Variants in FMNL2 observed in about 807,000 individuals in gnomAD.
FMNL2 encodes formin-like protein 2.
Under a neutral mutation model 130.2 loss-of-function variants are expected in FMNL2, and 51 were observed. That is an observed-to-expected ratio of 0.39 (90% CI 0.31 to 0.49). FMNL2 has a LOEUF of 0.49. FMNL2 is among the 20% of genes least tolerant of loss of function. FMNL2 has a pLI of 0.85. For missense variants in FMNL2, 977 were observed against 1,316.2 expected, an observed-to-expected ratio of 0.74 and a Z score of 3.99; for synonymous variants, 465 against 467.1, an observed-to-expected ratio of 1.00 and a Z score of 0.06.
At chr2:152,479,395 T>C (rs1486783407) in intron 1 of FMNL2, among the ~76,000 whole-genome samples, 3 of 152,244 alleles carry the variant, frequency 2.0e-5, no homozygotes, top group Non-Finnish European at 2.9e-5. Flanking sequence ...TCCTCCTGCG[T>C]TGGCCTCCTA....
At chr2:152,647,696 TAC>T in intron 25 of FMNL2, 98 bp from the exon 26 acceptor site, 2 of 1,118,936 alleles carry the variant, frequency 1.8e-6, no homozygotes, top group Non-Finnish European at 2.7e-6. Flanking sequence ...CTGACTTTTC[TAC>T]ACAAGCTGCT....
At chr2:152,597,459 T>G (rs1261227138) in intron 9 of FMNL2, among the ~76,000 whole-genome samples, 1 of 152,220 alleles carries the variant, frequency 6.6e-6, no homozygotes, top group East Asian at 1.9e-4. Flanking sequence ...TAAAGATGTG[T>G]ATCTAGGGGT....
chr2:152,426,507 C>A (rs1687211146), intron 1 of FMNL2, among the ~76,000 whole-genome samples: 1 of 152,176 alleles, frequency 6.6e-6, no homozygotes, highest in South Asian at 2.1e-4. Flanking sequence ...CTTGAAAATT[C>A]ATCTCACTTT....
chr2:152,431,192 A>G (rs1451426379), intron 1 of FMNL2, among the ~76,000 whole-genome samples: 1 of 152,192 alleles, frequency 6.6e-6, no homozygotes, highest in African/African-American at 2.4e-5. Flanking sequence ...ACTGCTTTAA[A>G]TCATCTTCCT....
intron 1 of FMNL2, among the ~76,000 whole-genome samples, chr2:152,341,998 A>G (rs1301089378): frequency 1.3e-5 from 2 of 152,230 alleles, no homozygotes; most frequent in African/African-American, 4.8e-5. Context: ...TGAGTCTGCA[A>G]CTTGCAGGTT....
At chr2:152,602,911 A>G (rs1157284352) in intron 9 of FMNL2, among the ~76,000 whole-genome samples, 1 of 152,184 alleles carries the variant, frequency 6.6e-6, no homozygotes, top group South Asian at 2.1e-4. Context: ...TTCCACCATG[A>G]TGGTCCTGTT....
chr2:152,569,937 C>T (rs1166184646), intron 6 of FMNL2, among the ~76,000 whole-genome samples: 5 of 150,758 alleles, frequency 3.3e-5, no homozygotes, highest in South Asian at 2.1e-4. Flanking sequence ...CTTGAACCCA[C>T]GAGACAGAGG....
At chr2:152,582,430 A>C (rs1378217801) in intron 9 of FMNL2, among the ~76,000 whole-genome samples, 5 of 152,148 alleles carry the variant, frequency 3.3e-5, no homozygotes, top group Admixed American at 3.3e-4. Flanking sequence ...CTGCTAGTCC[A>C]TTCTTTAAGA....
At chr2:152,452,134 A>C (rs1688679513) in intron 1 of FMNL2, among the ~76,000 whole-genome samples, 1 of 151,960 alleles carries the variant, frequency 6.6e-6, no homozygotes, top group African/African-American at 2.4e-5. Context: ...TGCTTTGGCA[A>C]CTCGAGGTGT....
chr2:152,429,734 A>G (rs1687398056), intron 1 of FMNL2, among the ~76,000 whole-genome samples: 1 of 151,862 alleles, frequency 6.6e-6, no homozygotes, highest in Non-Finnish European at 1.5e-5. Flanking sequence ...GCTCTCAGAT[A>G]TGTCTGAATT....
intron 1 of FMNL2, among the ~76,000 whole-genome samples, chr2:152,463,124 T>C (rs1191449080): frequency 6.6e-6 from 1 of 152,220 alleles, no homozygotes; most frequent in African/African-American, 2.4e-5. Context: ...AGAGGAGTTA[T>C]CAAACCTGTT....
intron 25 of FMNL2, among the ~76,000 whole-genome samples, chr2:152,646,793 A>T (rs1683624150): frequency 6.6e-6 from 1 of 152,234 alleles, no homozygotes; most frequent in Non-Finnish European, 1.5e-5. Flanking sequence ...AATACTAATT[A>T]AACAGGAAAA....
intron 3 of FMNL2, among the ~76,000 whole-genome samples, chr2:152,543,715 G>A (rs1481378333): frequency 3.1e-4 from 22 of 72,068 alleles, no homozygotes; most frequent in African/African-American, 8.7e-4. Context: ...TCCCCTCACC[G>A]CCCACCCCCC....
intron 3 of FMNL2, 36 bp downstream of exon 3, chr2:152,542,855 T>A (rs748520800): frequency 5.2e-5 from 84 of 1,601,918 alleles, no homozygotes; most frequent in Non-Finnish European, 2.8e-5. Flanking sequence ...TGTTATTGCT[T>A]CCTTATTAGC....
At chr2:152,578,004 G>C (rs948340661) in intron 7 of FMNL2, among the ~76,000 whole-genome samples, 1 of 151,856 alleles carries the variant, frequency 6.6e-6, no homozygotes, top group African/African-American at 2.4e-5. Context: ...GGAAAAATAA[G>C]GGGGAAGGGA....
chr2:152,646,065 A>C (rs116752577), intron 25 of FMNL2, among the ~76,000 whole-genome samples: 2 of 151,668 alleles, frequency 1.3e-5, no homozygotes, highest in African/African-American at 2.4e-5. Flanking sequence ...TCACACCTGT[A>C]ATCTGTAATC....
intron 1 of FMNL2, among the ~76,000 whole-genome samples, chr2:152,356,987 TAACG>T (rs1682839786): frequency 6.7e-6 from 1 of 149,012 alleles, no homozygotes; most frequent in Non-Finnish European, 1.5e-5. Context: ...GTTTAATATA[TAACG>T]ATAAATATTA....
At chr2:152,575,461 A>C (rs1025029197) in intron 7 of FMNL2, among the ~76,000 whole-genome samples, 1 of 150,976 alleles carries the variant, frequency 6.6e-6, no homozygotes, top group Non-Finnish European at 1.5e-5. Flanking sequence ...AAAAAAAAAA[A>C]CAGACTCAGA....
At chr2:152,630,309 G>T (rs1288958124) in intron 20 of FMNL2, among the ~76,000 whole-genome samples, 4 of 152,204 alleles carry the variant, frequency 2.6e-5, no homozygotes, top group Non-Finnish European at 4.4e-5. Context: ...AGCAGGGTAT[G>T]CTTTGCATGT....
Sources: allele counts gnomAD v4.1 joint callset (sites outside exome capture counted in the v4.1 genomes callset), GRCh38; gene constraint gnomAD v4.1.1; transcripts MANE v1.5; gene names NCBI Gene and HGNC (gene_info 2026-07-23, HGNC 2026-07-21).